The following CTDSP1 variants were observed in gnomAD, a reference collection of about 807,000 sequenced individuals.
CTDSP1 encodes carboxy-terminal domain RNA polymerase II polypeptide A small phosphatase 1.
In CTDSP1, 15 loss-of-function variants were observed where a neutral mutation model predicts 32.5. The observed-to-expected ratio is 0.46, with a 90% confidence interval of 0.31 to 0.71. The LOEUF (loss-of-function observed/expected upper bound fraction) is 0.71, where lower values mean the gene tolerates loss of function less well. Ranked by LOEUF, CTDSP1 falls within the 30% of genes least tolerant of loss-of-function variation. The probability of loss-of-function intolerance (pLI) is 0.05; values close to 1 mark genes in which losing one functional copy is unlikely to be tolerated. For synonymous variants in CTDSP1, 185 were observed against 145.4 expected (o/e 1.27, Z -1.96); for missense variants, 294 against 351.1 (o/e 0.84, Z 1.30).
chr2:218,398,740 T>G, upstream of CTDSP1: 1 of 297,462 alleles, frequency 3.4e-6, no homozygotes, highest in Non-Finnish European at 6.2e-6. Flanking sequence ...CGAGGGGTGT[T>G]TGTCGGGCTT....
chr2:218,401,387 G>C, intron 1 of CTDSP1, 177 bp from the exon 2 acceptor site: 1 of 662,778 alleles, frequency 1.5e-6, no homozygotes, highest in Non-Finnish European at 2.6e-6. Flanking sequence ...GAGCCTTGCA[G>C]TTGATTGTGG....
At position 218,404,662 on chromosome 2, in the gene CTDSP1, G is replaced by A. The variant is rs1697328797; in HGVS notation, c.*237G>A. The A allele has an allele frequency of 6.4e-6, 3 of 470,976 alleles. No homozygotes were observed. Among genetic ancestry groups the A allele is most frequent in the Non-Finnish European group, 1.1e-5 (3 of 266,592 alleles). The allele number at this position is 470,976 out of a possible 1,614,324, so 29.2% of individuals were successfully genotyped here. ...TTCAAACCTCCTCCCCTATTCTCAG[G>A]GGACCTGGGGGGCCCTGCCTGCTGC... On this transcript the variant is annotated 3_prime_UTR_variant, in exon 7 of 7. Coordinates refer to ENST00000273062, the MANE Select transcript of CTDSP1 (RefSeq NM_021198.3).
chr2:218,400,242 C>T, intron 1 of CTDSP1, 85 bp downstream of exon 1: 1 of 1,305,172 alleles, frequency 7.7e-7, no homozygotes, highest in South Asian at 1.4e-5. Flanking sequence ...GGAGCCGCCG[C>T]CGCCGCCCCG....
rs768811153 is a variant in CTDSP1 at position 218,401,561 on chromosome 2, C to T, written c.68-3C>T. The stretch of plus-strand genomic sequence containing the variant: ...GCCTCCAACTTGTGCCTCCCTACTT[C>T]AGGTGACCAGAAGTCAGCAGCTTCC... On this transcript the variant is annotated splice_region_variant and splice_polypyrimidine_tract_variant and intron_variant, in intron 1 of 6. Transcript: ENST00000273062. 1.9e-6 allele frequency: 3 copies of T among 1,613,704 alleles called. No homozygotes were observed. In the Admixed American group the frequency reaches 5.0e-5, roughly 27 times the overall value.
chr2:218,404,130 C>T (rs149683774), intron 6 of CTDSP1, among the ~76,000 whole-genome samples, 167 bp from the exon 7 acceptor site: 47 of 152,146 alleles, frequency 3.1e-4, no homozygotes, highest in African/African-American at 9.6e-4. Flanking sequence ...TGCATTGTTA[C>T]GTTATAAATG....
chr2:218,397,301 C>T (rs1055779492), upstream of CTDSP1, among the ~76,000 whole-genome samples: 2 of 152,172 alleles, frequency 1.3e-5, no homozygotes, highest in African/African-American at 2.4e-5. Context: ...CCCATTCCCC[C>T]CATAGTAGCT....
At position 218,403,350 on chromosome 2, in the gene CTDSP1, G is replaced by A; in HGVS notation, c.590G>A (p.Arg197Gln). The change falls in exon 6 of 7, where the codon CGA becomes CAA. Residue 197 changes from arginine to glutamine, a missense_variant. Transcript: ENST00000273062. ...GTGAAGGACCTGAGCCGGTTGGGTC[G>A]AGACCTGCGGCGGGTGCTCATCCTG... ...NYVKDLSRLGRDLRRVLILDN... is the reference protein window; with the variant it reads ...NYVKDLSRLGQDLRRVLILDN... The A allele has an allele frequency of 6.2e-7, 1 of 1,613,948 alleles. No homozygotes were observed. The highest frequency in any genetic ancestry group is 8.5e-7 in the Non-Finnish European group (1 of 1,179,944).
At chr2:218,398,467 C>CCCGGGGA (rs1182952895), upstream of CTDSP1, 2 of 1,529,648 alleles carry the variant, frequency 1.3e-6, no homozygotes, top group East Asian at 5.0e-5. Flanking sequence ...AGGGATCCAG[C>CCCGGGGA]CCGGGGACCG....
intron 4 of CTDSP1, chr2:218,402,700 C>G (rs752183955): frequency 3.9e-6 from 3 of 763,184 alleles, no homozygotes; most frequent in African/African-American, 1.7e-5. Context: ...AGCCTGTTCT[C>G]CATTACTTGG....
upstream of CTDSP1, chr2:218,398,611 C>T (rs1696942439): frequency 5.5e-6 from 3 of 547,098 alleles, no homozygotes; most frequent in African/African-American, 4.0e-5. Flanking sequence ...CTCCCCGGCT[C>T]CCCCTCGGCA....
upstream of CTDSP1, chr2:218,399,605 T>C (rs777847698): frequency 1.9e-6 from 1 of 519,654 alleles, no homozygotes; most frequent in Non-Finnish European, 2.5e-6. Context: ...GGGCGGGCCT[T>C]GGCCGAGGGC....
chr2:218,398,322 C>A, upstream of CTDSP1: 2 of 1,172,516 alleles, frequency 1.7e-6, no homozygotes, highest in Non-Finnish European at 2.4e-6. Context: ...AGAAGGAGGC[C>A]GTTCTAAGGG....
chr2:218,400,918 G>A lies in CTDSP1; in HGVS notation c.68-646G>A, dbSNP rs1466425542. The A allele has an allele frequency of 8.8e-6, 4 of 455,006 alleles. No individual in the cohort carries two copies. The East Asian group carries it at 2.8e-4, about 32-fold the overall frequency. 28.2% of individuals were successfully genotyped at this position (455,006 alleles called of 1,614,324 possible). A position where few individuals can be genotyped will look rare whatever the true frequency, so the allele number is the denominator to read the frequency against. ...CCCAGGTCTGCCCACCCTCGCCTGG[G>A]TCTGGCTGCCCCGGAACTGAGGGCA... is the stretch of plus-strand genomic sequence containing the variant. On this transcript the variant is annotated intron_variant, in intron 1 of 6. Transcript: ENST00000273062.
In CTDSP1 at chr2:218,404,291, C is replaced by G; in HGVS notation, c.658-6C>G. ...CCCCCTCATCTTCCTACACCCACTT[C>G]CCCAGGTACCGGTGGCCTCGTGGTT... On this transcript the variant is annotated splice_region_variant and splice_polypyrimidine_tract_variant and intron_variant, in intron 6 of 6. Transcript: ENST00000273062. 1.9e-6 allele frequency: 3 copies of G among 1,613,848 alleles called. No individual in the cohort carries two copies. The highest frequency in any genetic ancestry group is 1.7e-6 in the Non-Finnish European group (2 of 1,179,830).
intron 5 of CTDSP1, 47 bp from the exon 6 acceptor site, chr2:218,403,185 G>A (rs750323073): frequency 2.2e-5 from 36 of 1,612,294 alleles, no homozygotes; most frequent in Middle Eastern, 1.6e-4. Context: ...CCCGCATGCA[G>A]CCCAATGAAC....
At position 218,399,895 on chromosome 2, in the gene CTDSP1, A is replaced by C. The variant is rs1001879944; in HGVS notation, c.-196A>C. 31 of 1,263,098 alleles carry C rather than the reference A, an allele frequency of 2.5e-5. No homozygotes were observed. The South Asian group carries it at 5.3e-4, about 21-fold the overall frequency. 78.2% of individuals were successfully genotyped at this position (1,263,098 alleles called of 1,614,324 possible). ...ATCCGCCTCGCGGGAAGGAAACTCC[A>C]TGTTGTAACAAAGTTTCCTCCGCGC... On this transcript the variant is annotated 5_prime_UTR_variant, in exon 1 of 7. An upstream start codon of the reference 5' UTR is lost. Coordinates refer to ENST00000273062, the MANE Select transcript of CTDSP1 (RefSeq NM_021198.3).
chr2:218,399,276 GAGTT>G (rs1370101735), upstream of CTDSP1: 2 of 152,288 alleles, frequency 1.3e-5, no homozygotes, highest in Non-Finnish European at 2.9e-5. Flanking sequence ...CCAGGGCAGA[GAGTT>G]AGAATTTCAC....
Position 218,405,853 on chromosome 2 carries a change from C to G in CTDSP1, c.*1428C>G, listed in dbSNP as rs899347438. On this transcript the variant is annotated 3_prime_UTR_variant, in exon 7 of 7. Coordinates refer to ENST00000273062, the MANE Select transcript of CTDSP1 (RefSeq NM_021198.3). Reference sequence around the variant, plus strand: ...GTGGGCGGGGGGTGAATATGGTTGGCCTGCATCAGGTGGCCTTCCCATTTA... The same window carrying G: ...GTGGGCGGGGGGTGAATATGGTTGGGCTGCATCAGGTGGCCTTCCCATTTA... 1 of 153,192 alleles carries G rather than the reference C, an allele frequency of 6.5e-6. No individual in the cohort carries two copies. Among genetic ancestry groups the G allele is most frequent in the Admixed American group, 6.5e-5 (1 of 15,288 alleles). 9.5% of individuals were successfully genotyped at this position (153,192 alleles called of 1,614,324 possible).
chr2:218,399,451 G>C (rs558061551), upstream of CTDSP1: 3 of 152,278 alleles, frequency 2.0e-5, no homozygotes, highest in African/African-American at 7.2e-5. Context: ...CCAGACAGGA[G>C]AGAAGACCCA....
Sources: gnomAD v4.1 joint callset for allele counts (sites outside exome capture counted in the v4.1 genomes callset) on GRCh38, gnomAD v4.1.1 for gene constraint, MANE v1.5 for transcripts, NCBI Gene and HGNC (gene_info 2026-07-23, HGNC 2026-07-21) for gene names.